ZBTB8A: variants seen among roughly 807,000 people sequenced by gnomAD.
The protein encoded by ZBTB8A is zinc finger and BTB domain containing 8A.
A neutral mutation model predicts 37.8 loss-of-function variants in ZBTB8A; 19 were observed. The observed-to-expected ratio is 0.50, with a 90% CI of 0.35 to 0.74. The LOEUF (loss-of-function observed/expected upper bound fraction) is 0.74, where lower values mean the gene tolerates loss of function less well. Ranked by LOEUF, ZBTB8A falls within the 30% of genes least tolerant of loss-of-function variation. ZBTB8A has a pLI of 0.01. For missense variants in ZBTB8A, 394 were observed against 537.8 expected, an observed-to-expected ratio of 0.73 and a Z score of 2.65; for synonymous variants, 181 against 185.2, an observed-to-expected ratio of 0.98 and a Z score of 0.19.
chr1:32,539,604 C>T (rs1206636540), intron 1 of ZBTB8A, 32 bp downstream of exon 1: 3 of 146,332 alleles, frequency 2.1e-5, no homozygotes, highest in Non-Finnish European at 3.0e-5. Flanking sequence ...CGGCGGAGGG[C>T]GGGCGGGCGT....
At chr1:32,562,782 C>A (rs1427939857) in intron 2 of ZBTB8A, among the ~76,000 whole-genome samples, 2 of 151,738 alleles carry the variant, frequency 1.3e-5, no homozygotes, top group African/African-American at 4.8e-5. Context: ...GGGGTTTCAC[C>A]ATGTTAGCCA....
At chr1:32,589,666 C>T (rs917406683) in intron 2 of ZBTB8A, among the ~76,000 whole-genome samples, 2 of 152,054 alleles carry the variant, frequency 1.3e-5, no homozygotes, top group African/African-American at 4.8e-5. Flanking sequence ...TCTCCTACCT[C>T]AGCCTCCCGA....
rs1295578613 is a variant in ZBTB8A at position 32,605,691 on chromosome 1, C to T, written c.*5272C>T. ...CTGCACTCCAGGCTGGGTGACAGAGCGAGACTCCACCTCAAAAAAAAAAAA... is the reference window on the plus strand; with the variant it reads ...CTGCACTCCAGGCTGGGTGACAGAGTGAGACTCCACCTCAAAAAAAAAAAA... On this transcript the variant is annotated 3_prime_UTR_variant, in exon 5 of 5. Transcript: ENST00000373510. The T allele has an allele frequency of 2.6e-5, 3 of 116,984 alleles. No homozygotes were observed. The highest frequency in any genetic ancestry group is 3.6e-5 in the African/African-American group (1 of 28,010). The allele number at this position is 116,984 out of a possible 1,614,324, so 7.2% of individuals were successfully genotyped here.
chr1:32,595,800 C>T (rs1261343556), intron 4 of ZBTB8A, among the ~76,000 whole-genome samples: 3 of 151,934 alleles, frequency 2.0e-5, no homozygotes. Context: ...CAGGCCTGCA[C>T]CAACATGCCA....
chr1:32,556,333 G>T (rs189184319), intron 2 of ZBTB8A, among the ~76,000 whole-genome samples: 3 of 152,130 alleles, frequency 2.0e-5, no homozygotes, highest in African/African-American at 7.2e-5. Flanking sequence ...CTCCCAAAGT[G>T]CTAGGATGAC....
At chr1:32,569,583 G>A (rs969627744) in intron 2 of ZBTB8A, among the ~76,000 whole-genome samples, 10 of 151,310 alleles carry the variant, frequency 6.6e-5, no homozygotes, top group African/African-American at 1.2e-4. Flanking sequence ...TAGTAGAGAC[G>A]TTGTTTCACC....
At chr1:32,550,181 G>A (rs776183255) in intron 1 of ZBTB8A, among the ~76,000 whole-genome samples, 3 of 151,898 alleles carry the variant, frequency 2.0e-5, no homozygotes, top group Non-Finnish European at 4.4e-5. Context: ...AATATATCGA[G>A]ACCCTTTAAA....
chr1:32,573,061 C>T (rs1460782022), intron 2 of ZBTB8A, among the ~76,000 whole-genome samples: 5 of 145,350 alleles, frequency 3.4e-5, no homozygotes, highest in Non-Finnish European at 7.5e-5. Flanking sequence ...TTCTCTAGTT[C>T]TCTAGATTCT....
intron 2 of ZBTB8A, among the ~76,000 whole-genome samples, chr1:32,556,991 G>T (rs1008076095): frequency 6.6e-6 from 1 of 151,886 alleles, no homozygotes; most frequent in African/African-American, 2.4e-5. Flanking sequence ...TGAATCATAC[G>T]CATTCAAGGG....
At chr1:32,585,027 C>CTTTTTTT (rs1163697499) in intron 2 of ZBTB8A, among the ~76,000 whole-genome samples, 13 of 105,610 alleles carry the variant, frequency 1.2e-4, no homozygotes, top group Non-Finnish European at 1.7e-4. Context: ...TTTCAGATTT[C>CTTTTTTT]TTTTTTTTTT....
Position 32,599,396 on chromosome 1 carries a change from C to G in ZBTB8A, c.994-691C>G, listed in dbSNP as rs12042206. Among the ~76,000 whole-genome samples, 857 of 151,986 alleles carry G rather than the reference C, an allele frequency of 5.6e-3. 18 individuals are homozygous for G. The East Asian group carries it at 0.078, about 14-fold the overall frequency. On this transcript the variant is annotated intron_variant, in intron 4 of 4. Transcript: ENST00000373510. The stretch of plus-strand genomic sequence containing the variant: ...GCCATGGTCACCACTACACCGTAGC[C>G]TGGGTGACAGAGCGAGACCCTATTT...
chr1:32,602,946 T>C lies in ZBTB8A; in HGVS notation c.*2527T>C, dbSNP rs1299593610. The stretch of plus-strand genomic sequence containing the variant: ...TTCTTTCATTAATTATTGTCCTTGA[T>C]ACCAATTTCTAGGCTAAATTGGTTA... On this transcript the variant is annotated 3_prime_UTR_variant, in exon 5 of 5. Transcript: ENST00000373510. 1 of 152,256 alleles carries C rather than the reference T, an allele frequency of 6.6e-6. No homozygotes were observed. The allele number at this position is 152,256 out of a possible 1,614,324, so 9.4% of individuals were successfully genotyped here. A position where few individuals can be genotyped will look rare whatever the true frequency, so the allele number is the denominator to read the frequency against.
chr1:32,591,951 C>G (rs1033445504), intron 2 of ZBTB8A, among the ~76,000 whole-genome samples: 1 of 152,038 alleles, frequency 6.6e-6, no homozygotes, highest in African/African-American at 2.4e-5. Flanking sequence ...TCAAGCGATT[C>G]TCCTGCCTCA....
At position 32,604,394 on chromosome 1, in the gene ZBTB8A, C is replaced by T. The variant is rs1284538586; in HGVS notation, c.*3975C>T. ...CCTTTCCCCAGACACCTCTGCAGAA[C>T]TCAGGTGCACAATGTTGAAAACCAT... On this transcript the variant is annotated 3_prime_UTR_variant, in exon 5 of 5. Coordinates refer to ENST00000373510, the MANE Select transcript of ZBTB8A (RefSeq NM_001040441.3). The T allele has an allele frequency of 6.6e-6, 1 of 152,194 alleles. No homozygotes were observed. Among genetic ancestry groups the T allele is most frequent in the Non-Finnish European group, 1.5e-5 (1 of 68,038 alleles). The allele number at this position is 152,194 out of a possible 1,614,324, so 9.4% of individuals were successfully genotyped here.
intron 2 of ZBTB8A, among the ~76,000 whole-genome samples, chr1:32,592,120 C>T (rs1035005946): frequency 6.6e-6 from 1 of 152,106 alleles, no homozygotes; most frequent in South Asian, 2.1e-4. Flanking sequence ...GGATTATAGG[C>T]GTGAGCCACC....
At chr1:32,555,942 CT>C (rs1644198403) in intron 2 of ZBTB8A, among the ~76,000 whole-genome samples, 1 of 151,170 alleles carries the variant, frequency 6.6e-6, no homozygotes, top group African/African-American at 2.4e-5. Context: ...AGACACTTGT[CT>C]GTGTGCCCAG....
chr1:32,553,039 T>C lies in ZBTB8A; in HGVS notation c.-83-420T>C, dbSNP rs540572127. Among the ~76,000 whole-genome samples, 277 of 151,406 alleles carry C rather than the reference T, an allele frequency of 1.8e-3. 1 individual carries two copies. Among genetic ancestry groups the C allele is most frequent in the African/African-American group, 6.4e-3 (264 of 41,426 alleles). On this transcript the variant is annotated intron_variant, in intron 1 of 4. Transcript: ENST00000373510. ...TCATCTATTTTTACATGTTAAAAATTGTATCTGACAGAGGCTCTTATATAA... is the reference window on the plus strand; with the variant it reads ...TCATCTATTTTTACATGTTAAAAATCGTATCTGACAGAGGCTCTTATATAA...
At chr1:32,563,846 T>G (rs1267277284) in intron 2 of ZBTB8A, among the ~76,000 whole-genome samples, 1 of 152,054 alleles carries the variant, frequency 6.6e-6, no homozygotes, top group East Asian at 1.9e-4. Flanking sequence ...GCCAGAGGGG[T>G]TGAGGAAGCC....
rs1458519792 is a variant in ZBTB8A, at chr1:32,601,580, CAGTG to C, written c.*1164_*1167del. The C allele has an allele frequency of 2.5e-6, 1 of 398,406 alleles. No individual in the cohort carries two copies. Among genetic ancestry groups the C allele is most frequent in the Non-Finnish European group, 4.4e-6 (1 of 226,052 alleles). 24.7% of individuals were successfully genotyped at this position (398,406 alleles called of 1,614,324 possible). The stretch of plus-strand genomic sequence containing the variant: ...TAAAGTACTCTCTCATGTATTTTCT[CAGTG>C]AGGTGGATACTATCTCCGATTTACA... On this transcript the variant is annotated 3_prime_UTR_variant, in exon 5 of 5. Coordinates refer to ENST00000373510, the MANE Select transcript of ZBTB8A (RefSeq NM_001040441.3).
Sources: gnomAD v4.1 joint callset for allele counts (sites outside exome capture counted in the v4.1 genomes callset) on GRCh38, gnomAD v4.1.1 for gene constraint, MANE v1.5 for transcripts, NCBI Gene and HGNC (gene_info 2026-07-23, HGNC 2026-07-21) for gene names.